FAM177A1: variants seen among roughly 807,000 people sequenced by gnomAD.
FAM177A1 encodes the protein protein FAM177A1.
A neutral mutation model predicts 26.1 loss-of-function variants in FAM177A1; 22 were observed. The observed-to-expected ratio is 0.84, with a 90% confidence interval of 0.60 to 1.20. FAM177A1 has a LOEUF of 1.20. Ranked by LOEUF, FAM177A1 falls within the 50% of genes most tolerant of loss-of-function variation. The pLI is 0.00. For synonymous variants in FAM177A1, 95 were observed against 99.3 expected (o/e 0.96, Z 0.26); for missense variants, 296 against 291.1 (o/e 1.02, Z -0.12).
At position 35,081,019 on chromosome 14, in the gene FAM177A1, T is replaced by A. The variant is rs756567137; in HGVS notation, c.505-3T>A. The A allele has an allele frequency of 1.9e-6, 3 of 1,599,758 alleles. No homozygotes were observed. Among genetic ancestry groups the A allele is most frequent in the South Asian group, 1.1e-5 (1 of 89,522 alleles). On this transcript the variant is annotated splice_polypyrimidine_tract_variant and splice_region_variant and intron_variant, in intron 4 of 4. Coordinates refer to ENST00000280987, the MANE Select transcript of FAM177A1 (RefSeq NM_173607.5). The stretch of plus-strand genomic sequence containing the variant: ...TATTCTTGATATTGCTCCTTTTTTT[T>A]AGGAAGAAGAAGAAGAAGAAGAAAA...
Position 35,081,388 on chromosome 14 carries a change from A to G in FAM177A1, c.*160A>G. ...TTTTCTTCATTTTTAGGATCTATCT[A>G]GCAAAAGCCAGATCTGAAATTCAGA... On this transcript the variant is annotated 3_prime_UTR_variant, in exon 5 of 5. Coordinates refer to ENST00000280987, the MANE Select transcript of FAM177A1 (RefSeq NM_173607.5). The G allele has an allele frequency of 2.9e-6, 2 of 680,020 alleles. No homozygotes were observed. Among genetic ancestry groups the G allele is most frequent in the Admixed American group, 3.7e-5 (1 of 27,016 alleles). 42.1% of individuals were successfully genotyped at this position (680,020 alleles called of 1,614,324 possible). A position where few individuals can be genotyped will look rare whatever the true frequency, so the allele number is the denominator to read the frequency against.
Position 35,046,611 on chromosome 14 carries a change from G to A in FAM177A1, c.148G>A (p.Gly50Arg), listed in dbSNP as rs766835801. ...GGGAGCTGCGGCCGCCGCGGCATTC[G>A]GGGAATCTGCAGGGCAGGTAGGTGG... ...ASGAAAAAAF[G>R]ESAGQMSNER... The change falls in exon 1 of 5, where the codon GGG (glycine) becomes AGG (arginine). Residue 50 changes from glycine (G) to arginine (R), a missense_variant. Coordinates refer to ENST00000280987, the MANE Select transcript of FAM177A1 (RefSeq NM_173607.5). 2 of 1,548,842 alleles carry A rather than the reference G, an allele frequency of 1.3e-6. No individual in the cohort carries two copies. Among genetic ancestry groups the A allele is most frequent in the South Asian group, 1.2e-5 (1 of 83,218 alleles).
In FAM177A1 at chr14:35,059,999, G is replaced by A. The variant is rs761607774; in HGVS notation, c.339+6548G>A. Among the ~76,000 whole-genome samples the A allele has an allele frequency of 3.5e-5, 5 of 143,832 alleles. No homozygotes were observed. In the Admixed American group the frequency reaches 3.6e-4, roughly 10 times the overall value. The allele number at this position is 143,832 out of a possible 152,430, so 94.4% of individuals were successfully genotyped here. On this transcript the variant is annotated intron_variant, in intron 2 of 4. Transcript: ENST00000280987. ...GTTTTGTTTTGTTTTTTAAGATGGAGTTTCACTCTTGTCGCCCAGGCGGGA... is the reference window on the plus strand; with the variant it reads ...GTTTTGTTTTGTTTTTTAAGATGGAATTTCACTCTTGTCGCCCAGGCGGGA...
At position 35,046,304 on chromosome 14, in the gene FAM177A1, G is replaced by T. The variant is rs2044860006; in HGVS notation, c.-160G>T. On this transcript the variant is annotated 5_prime_UTR_variant, in exon 1 of 5. Transcript: ENST00000280987. ...AGTTGGCCAGCTCTCGGGGTGCGGA[G>T]CCCGGCGGGCTAGGCGAGGCGCGGG... 2 of 828,412 alleles carry T rather than the reference G, an allele frequency of 2.4e-6. No homozygotes were observed. Among genetic ancestry groups the T allele is most frequent in the Non-Finnish European group, 3.4e-6 (2 of 583,468 alleles). 51.3% of individuals were successfully genotyped at this position (828,412 alleles called of 1,614,324 possible).
At chr14:35,076,607 GACTT>G (rs1176016992) in intron 2 of FAM177A1, among the ~76,000 whole-genome samples, 9 of 151,878 alleles carry the variant, frequency 5.9e-5, no homozygotes, top group Admixed American at 5.9e-4. Context: ...TAAAAAAAAA[GACTT>G]AAAGAAACAA....
At chr14:35,048,463 C>A (rs1317470215) in intron 1 of FAM177A1, among the ~76,000 whole-genome samples, 1 of 151,836 alleles carries the variant, frequency 6.6e-6, no homozygotes, top group Non-Finnish European at 1.5e-5. Flanking sequence ...GAATACCCCA[C>A]CACCACCCTT....
rs1005317641 is a variant in FAM177A1, at chr14:35,070,148, A to G, written c.340-7002A>G. Among the ~76,000 whole-genome samples the G allele has an allele frequency of 7.0e-5, 9 of 128,714 alleles. No individual in the cohort carries two copies. In the South Asian group the frequency reaches 7.4e-4, roughly 11 times the overall value. The allele number at this position is 128,714 out of a possible 152,430, so 84.4% of individuals were successfully genotyped here. On this transcript the variant is annotated intron_variant, in intron 2 of 4. Transcript: ENST00000280987. The stretch of plus-strand genomic sequence containing the variant: ...AAAAAAAAAAAAAAAAAAAAAAAAA[A>G]AAGAAGTGAAGACCTAGATCTTTTT...
upstream of FAM177A1, chr14:35,045,935 C>T (rs1442594155): frequency 6.6e-6 from 1 of 152,312 alleles, no homozygotes; most frequent in Non-Finnish European, 1.5e-5. Flanking sequence ...TGGACTGTCA[C>T]CCACGTTTGG....
At chr14:35,065,266 G>A (rs2045223441) in intron 2 of FAM177A1, among the ~76,000 whole-genome samples, 1 of 150,730 alleles carries the variant, frequency 6.6e-6, no homozygotes. Flanking sequence ...CTCTGCCTTG[G>A]AGGGAAACTT....
intron 2 of FAM177A1, among the ~76,000 whole-genome samples, chr14:35,058,299 C>T (rs1201120852): frequency 6.6e-6 from 1 of 151,974 alleles, no homozygotes; most frequent in Non-Finnish European, 1.5e-5. Flanking sequence ...CTCTTGACCT[C>T]ATGATCCGCC....
Sources: allele counts gnomAD v4.1 joint callset (sites outside exome capture counted in the v4.1 genomes callset), GRCh38; gene constraint gnomAD v4.1.1; transcripts MANE v1.5; gene names NCBI Gene and HGNC (gene_info 2026-07-23, HGNC 2026-07-21).